Variants in VEGFA observed in about 807,000 individuals in gnomAD.
VEGFA encodes vascular endothelial growth factor A.
Under a neutral mutation model 49.7 loss-of-function variants are expected in VEGFA, and 20 were observed. That is an observed-to-expected ratio of 0.40 (90% confidence interval 0.28 to 0.58). The LOEUF (loss-of-function observed/expected upper bound fraction) is 0.58, where lower values mean the gene tolerates loss of function less well. VEGFA is among the 20% of genes least tolerant of loss of function. The pLI is 0.40. For missense variants in VEGFA, 505 were observed against 553.5 expected, an observed-to-expected ratio of 0.91 and a Z score of 0.88; for synonymous variants, 219 against 223.4, an observed-to-expected ratio of 0.98 and a Z score of 0.18.
At chr6:43,781,841 A>G in intron 6 of VEGFA, 115 bp from the exon 7 acceptor site, 1 of 1,412,172 alleles carries the variant, frequency 7.1e-7, no homozygotes, top group Non-Finnish European at 9.7e-7. Flanking sequence ...CTGGGGGCTG[A>G]CCGGCTGGGT....
At position 43,777,793 on chromosome 6, in the gene VEGFA, G is replaced by A; in HGVS notation, c.855+128G>A. The stretch of plus-strand genomic sequence containing the variant: ...GGCTCCTGCCCCTGAGTTGCACAGG[G>A]GAGGTATGGTGGGGTCTTGCCTTCT... On this transcript the variant is annotated intron_variant, in intron 3 of 7. Transcript: ENST00000672860. This position sits in a 1 kb window ranked among gnomAD's most constrained non-coding sequence, Gnocchi z 4.3. The A allele has an allele frequency of 9.7e-7, 1 of 1,031,702 alleles. No homozygotes were observed. Among genetic ancestry groups the A allele is most frequent in the Non-Finnish European group, 1.4e-6 (1 of 710,946 alleles). The allele number at this position is 1,031,702 out of a possible 1,614,324, so 63.9% of individuals were successfully genotyped here.
In VEGFA at chr6:43,779,391, C is replaced by T. The variant is rs3025005; in HGVS notation, c.962+473C>T. The T allele has an allele frequency of 7.0e-3, 2,336 of 333,246 alleles. 47 individuals carry two copies. The highest frequency in any genetic ancestry group is 0.043 in the African/African-American group (2,013 of 46,978). 20.6% of individuals were successfully genotyped at this position (333,246 alleles called of 1,614,324 possible). A position where few individuals can be genotyped will look rare whatever the true frequency, so the allele number is the denominator to read the frequency against. ...TTCTCAGTGCATGCCCTCCTGTAGG[C>T]GGCAGGCGGCAGACACACAGCCCTC... On this transcript the variant is annotated intron_variant, in intron 5 of 7. Coordinates refer to ENST00000672860, the MANE Select transcript of VEGFA (RefSeq NM_003376.6).
intron 6 of VEGFA, chr6:43,781,399 G>T (rs374949985): frequency 2.1e-5 from 5 of 240,456 alleles, no homozygotes; most frequent in Non-Finnish European, 1.6e-5. Context: ...ACCCACAGAG[G>T]CCTCCTTGCA....
chr6:43,777,251 C>A lies in VEGFA; in HGVS notation c.659-218C>A. The A allele has an allele frequency of 1.6e-6, 1 of 629,574 alleles. No individual in the cohort carries two copies. The highest frequency in any genetic ancestry group is 2.9e-6 in the Non-Finnish European group (1 of 344,874). The allele number at this position is 629,574 out of a possible 1,614,324, so 39.0% of individuals were successfully genotyped here. A position where few individuals can be genotyped will look rare whatever the true frequency, so the allele number is the denominator to read the frequency against. On this transcript the variant is annotated intron_variant, in intron 2 of 7. Transcript: ENST00000672860. This position sits in a 1 kb window ranked among gnomAD's most constrained non-coding sequence, Gnocchi z 4.3. ...CATGTCCCTTGGAACTTGAGTACAT[C>A]GTGTGATCTCTGGAATGAAAACAGG...
chr6:43,781,880 G>A (rs894174318), intron 6 of VEGFA, 76 bp from the exon 7 acceptor site: 37 of 1,586,056 alleles, frequency 2.3e-5, no homozygotes, highest in African/African-American at 1.6e-4. Context: ...ATGTTAGGGG[G>A]TGTTGCATGG....
intron 5 of VEGFA, 31 bp from the exon 6 acceptor site, chr6:43,780,701 C>T (rs755695981): frequency 4.0e-5 from 65 of 1,610,562 alleles, no homozygotes; most frequent in Non-Finnish European, 5.2e-5. Flanking sequence ...CGCCCCCGCT[C>T]TCTCTCTGTC....
chr6:43,770,982 G>A lies in VEGFA; in HGVS notation c.276G>A (p.Pro92=), dbSNP rs964247628. 3.9e-6 allele frequency: 6 copies of A among 1,542,432 alleles called. No homozygotes were observed. Among genetic ancestry groups the A allele is most frequent in the East Asian group, 2.5e-5 (1 of 40,230 alleles). The change falls in exon 1 of 8, where the codon CCG becomes CCA. Residue 92 remains proline, a synonymous_variant. Transcript: ENST00000672860. ...GCTCGGGCCGGGAGGAGCCGCAGCCGGAGGAGGGGGAGGAGGAAGAAGAGA... is the reference window on the plus strand; with the variant it reads ...GCTCGGGCCGGGAGGAGCCGCAGCCAGAGGAGGGGGAGGAGGAAGAAGAGA...
intron 3 of VEGFA, 84 bp from the exon 4 acceptor site, chr6:43,778,376 G>A: frequency 8.4e-7 from 1 of 1,189,430 alleles, no homozygotes; most frequent in Non-Finnish European, 1.2e-6. Flanking sequence ...CCTGGGTGCT[G>A]AGTGGCAGGA....
intron 5 of VEGFA, chr6:43,780,507 G>A (rs1767146593): frequency 1.7e-6 from 1 of 600,700 alleles, no homozygotes; most frequent in East Asian, 3.1e-5. Context: ...CCCATGGTGG[G>A]CAGCGTGAGG....
intron 5 of VEGFA, chr6:43,779,897 C>T: frequency 3.0e-6 from 1 of 330,328 alleles, no homozygotes; most frequent in Non-Finnish European, 6.2e-6. Flanking sequence ...GCCTGCCCCC[C>T]TTCCTGTTTC....
At chr6:43,780,938 C>G (rs1767450576) in intron 6 of VEGFA, 135 bp downstream of exon 6, 1 of 1,594,332 alleles carries the variant, frequency 6.3e-7, no homozygotes, top group South Asian at 1.1e-5. Flanking sequence ...GCCCGTGTCT[C>G]TCTCTCACTC....
chr6:43,771,063 G>A lies in VEGFA; in HGVS notation c.357G>A (p.Trp119Ter), dbSNP rs1396039360. ...TCGGCGCTCGGAAGCCGGGCTCATGGACGGGTGAGGCGGCGGTGTGCGCAG... is the reference window on the plus strand; with the variant it reads ...TCGGCGCTCGGAAGCCGGGCTCATGAACGGGTGAGGCGGCGGTGTGCGCAG... The change falls in exon 1 of 8, where the codon TGG (tryptophan) becomes TGA (stop). Residue 119 changes from tryptophan to a stop codon, truncating the protein, a stop_gained. Coordinates refer to ENST00000672860, the MANE Select transcript of VEGFA (RefSeq NM_003376.6). LOFTEE classifies it high-confidence loss of function. 7.9e-6 allele frequency: 12 copies of A among 1,512,470 alleles called. No homozygotes were observed. The highest frequency in any genetic ancestry group is 1.3e-5 in the South Asian group (1 of 78,668). The allele number at this position is 1,512,470 out of a possible 1,614,324, so 93.7% of individuals were successfully genotyped here.
In VEGFA at chr6:43,771,003, A is replaced by G; in HGVS notation, c.297A>G (p.Glu99=). The G allele has an allele frequency of 6.5e-7, 1 of 1,540,672 alleles. No individual in the cohort carries two copies. The highest frequency in any genetic ancestry group is 8.7e-7 in the Non-Finnish European group (1 of 1,143,872). Residue 99 remains glutamate (E), a synonymous_variant, in exon 1 of 8, where the codon GAA becomes GAG. Coordinates refer to ENST00000672860, the MANE Select transcript of VEGFA (RefSeq NM_003376.6). The stretch of plus-strand genomic sequence containing the variant: ...AGCCGGAGGAGGGGGAGGAGGAAGA[A>G]GAGAAGGAAGAGGAGAGGGGGCCGC...
At position 43,785,657 on chromosome 6, in the gene VEGFA, T is replaced by TTG. The variant is rs747174244; in HGVS notation, c.*1106_*1107dup. 1.0e-5 allele frequency: 2 copies of TTG among 199,804 alleles called. No homozygotes were observed. Among genetic ancestry groups the TTG allele is most frequent in the Non-Finnish European group, 2.1e-5 (2 of 96,804 alleles). The allele number at this position is 199,804 out of a possible 1,614,324, so 12.4% of individuals were successfully genotyped here. A position where few individuals can be genotyped will look rare whatever the true frequency, so the allele number is the denominator to read the frequency against. On this transcript the variant is annotated 3_prime_UTR_variant, in exon 8 of 8. Coordinates refer to ENST00000672860, the MANE Select transcript of VEGFA (RefSeq NM_003376.6). ...AGTTCTGTCCCCCCAGGAGACCTGG[T>TTG]TGTGTGTGTGTGAGTGGTTGACCTT...
intron 7 of VEGFA, 111 bp downstream of exon 7, chr6:43,782,198 C>A: frequency 7.5e-6 from 11 of 1,475,102 alleles, no homozygotes; most frequent in Non-Finnish European, 1.0e-5. Flanking sequence ...CTGAGAGGGG[C>A]CAGCTGCTTG....
chr6:43,770,302 C>G lies in VEGFA; in HGVS notation c.-405C>G, dbSNP rs1159432889. On this transcript the variant is annotated 5_prime_UTR_variant, in exon 1 of 8. Coordinates refer to ENST00000672860, the MANE Select transcript of VEGFA (RefSeq NM_003376.6). Reference sequence around the variant, plus strand: ...CGGGAGGCGCAGCGGTTAGGTGGACCGGTCAGCGGACTCACCGGCCAGGGC... The same window carrying G: ...CGGGAGGCGCAGCGGTTAGGTGGACGGGTCAGCGGACTCACCGGCCAGGGC... 3.8e-6 allele frequency: 1 copy of G among 265,250 alleles called. No individual in the cohort carries two copies. The highest frequency in any genetic ancestry group is 7.2e-6 in the Non-Finnish European group (1 of 139,812). The allele number at this position is 265,250 out of a possible 1,614,324, so 16.4% of individuals were successfully genotyped here. A position where few individuals can be genotyped will look rare whatever the true frequency, so the allele number is the denominator to read the frequency against.
chr6:43,782,740 G>A, intron 7 of VEGFA: 1 of 163,454 alleles, frequency 6.1e-6, no homozygotes, highest in Non-Finnish European at 1.3e-5. Context: ...GCTCCCTCAG[G>A]CCAGGGCTAT....
chr6:43,781,021 G>A, intron 6 of VEGFA: 1 of 1,199,718 alleles, frequency 8.3e-7, no homozygotes. Context: ...GGGTGAATGG[G>A]GGTGCCGACT....
In VEGFA at chr6:43,777,812, G is replaced by A; in HGVS notation, c.855+147G>A. 1.2e-6 allele frequency: 1 copy of A among 827,364 alleles called. No individual in the cohort carries two copies. The highest frequency in any genetic ancestry group is 1.9e-6 in the Non-Finnish European group (1 of 536,100). The allele number at this position is 827,364 out of a possible 1,614,324, so 51.3% of individuals were successfully genotyped here. ...CACAGGGGAGGTATGGTGGGGTCTT[G>A]CCTTCTGTGGAGAAGATGCTTCATT... On this transcript the variant is annotated intron_variant, in intron 3 of 7. Transcript: ENST00000672860. The surrounding 1 kb of genome is among the most constrained non-coding windows in gnomAD (Gnocchi z 4.3).
Sources: allele counts gnomAD v4.1 joint callset, GRCh38; gene constraint gnomAD v4.1.1; non-coding constraint Gnocchi (gnomAD v3.1); transcripts MANE v1.5; gene names NCBI Gene and HGNC (gene_info 2026-07-23, HGNC 2026-07-21).